The following PLPP3 variants were observed in gnomAD, a reference collection of about 807,000 sequenced individuals.
PLPP3 encodes PAP2 beta.
PLPP3 carries 6 observed loss-of-function variants against 29.6 expected under a neutral mutation model. The observed-to-expected ratio is 0.20, with a 90% CI of 0.11 to 0.40. PLPP3 has a LOEUF of 0.40. PLPP3 is among the 10% of genes least tolerant of loss of function. The pLI is 1.00. For synonymous variants in PLPP3, 152 were observed against 159.7 expected (o/e 0.95, Z 0.36); for missense variants, 308 against 407.7 (o/e 0.76, Z 2.11).
Position 56,579,047 on chromosome 1 carries a change from C to G in PLPP3, c.-31G>C. The G allele has an allele frequency of 6.3e-7, 1 of 1,574,946 alleles. No individual in the cohort carries two copies. Among genetic ancestry groups the G allele is most frequent in the Non-Finnish European group, 8.6e-7 (1 of 1,165,572 alleles). On this transcript the variant is annotated 5_prime_UTR_variant, in exon 1 of 6. Transcript: ENST00000371250. The stretch of plus-strand genomic sequence containing the variant: ...TGGCTGCGGCGCGAGCCTCCCGCCC[C>G]GCGAAGACGTCCCGCAACAGCAGCC...
intron 1 of PLPP3, among the ~76,000 whole-genome samples, chr1:56,572,976 C>T (rs1395866590): frequency 6.6e-6 from 1 of 152,116 alleles, no homozygotes; most frequent in South Asian, 2.1e-4. Context: ...TGGCTGTTTG[C>T]TTTATGTCAG....
chr1:56,577,754 A>AG (rs1163747881), intron 1 of PLPP3, among the ~76,000 whole-genome samples: 2 of 152,058 alleles, frequency 1.3e-5, no homozygotes, highest in African/African-American at 2.4e-5. Context: ...ACCAAATCCG[A>AG]GTTCCTAATG....
chr1:56,570,422 C>T (rs557601163), intron 1 of PLPP3, among the ~76,000 whole-genome samples: 20 of 152,338 alleles, frequency 1.3e-4, no homozygotes, highest in African/African-American at 4.6e-4. Context: ...AACACACTTA[C>T]CACCAATACC....
At position 56,520,600 on chromosome 1, in the gene PLPP3, A is replaced by G. The variant is rs568051974; in HGVS notation, c.633+3223T>C. ...GCAAATCAGCCAAACCTAGTGGCTCATGCCTGTAATCCCAACACTTTGGGA... is the reference window on the plus strand; with the variant it reads ...GCAAATCAGCCAAACCTAGTGGCTCGTGCCTGTAATCCCAACACTTTGGGA... On this transcript the variant is annotated intron_variant, in intron 4 of 5. Coordinates refer to ENST00000371250, the MANE Select transcript of PLPP3 (RefSeq NM_003713.5). Among the ~76,000 whole-genome samples the G allele has an allele frequency of 4.2e-3, 503 of 118,800 alleles. 1 individual carries two copies. Among genetic ancestry groups the G allele is most frequent in the African/African-American group, 0.014 (481 of 33,644 alleles). The allele number at this position is 118,800 out of a possible 152,430, so 77.9% of individuals were successfully genotyped here. A position where few individuals can be genotyped will look rare whatever the true frequency, so the allele number is the denominator to read the frequency against.
chr1:56,519,968 G>C (rs553497044), intron 4 of PLPP3, among the ~76,000 whole-genome samples: 4 of 152,074 alleles, frequency 2.6e-5, no homozygotes, highest in Non-Finnish European at 5.9e-5. Flanking sequence ...TGGTGCTTCC[G>C]GTCTGCCATT....
chr1:56,529,094 T>G (rs374384305), intron 2 of PLPP3, among the ~76,000 whole-genome samples: 1 of 152,158 alleles, frequency 6.6e-6, no homozygotes, highest in Non-Finnish European at 1.5e-5. Context: ...CTTTACAGCT[T>G]TCAAAGCACT....
intron 2 of PLPP3, among the ~76,000 whole-genome samples, chr1:56,529,199 A>G (rs1307545568): frequency 1.3e-5 from 2 of 152,140 alleles, no homozygotes; most frequent in Non-Finnish European, 2.9e-5. Flanking sequence ...AAGGCCAGAG[A>G]GGGCAGTGAA....
chr1:56,525,612 C>T (rs1487900275), intron 2 of PLPP3, among the ~76,000 whole-genome samples: 5 of 152,054 alleles, frequency 3.3e-5, no homozygotes, highest in African/African-American at 1.2e-4. Flanking sequence ...CACAACCACA[C>T]ACCCTGCTGC....
chr1:56,556,776 G>C (rs529549240), intron 1 of PLPP3, among the ~76,000 whole-genome samples: 3 of 150,702 alleles, frequency 2.0e-5, no homozygotes, highest in Non-Finnish European at 4.4e-5. Context: ...ACTGTCCCTG[G>C]GCAGGCAGGT....
chr1:56,532,940 G>C (rs1388378918), intron 2 of PLPP3, among the ~76,000 whole-genome samples: 2 of 152,140 alleles, frequency 1.3e-5, no homozygotes, highest in Non-Finnish European at 2.9e-5. Context: ...GGAAGGTGGG[G>C]GAGGAGACAG....
chr1:56,534,437 C>G (rs1441917612), intron 2 of PLPP3, among the ~76,000 whole-genome samples: 1 of 152,080 alleles, frequency 6.6e-6, no homozygotes. Context: ...TTGTGGGGAC[C>G]ATCTGAATGG....
At chr1:56,541,529 G>A (rs1645969613) in intron 1 of PLPP3, among the ~76,000 whole-genome samples, 1 of 152,038 alleles carries the variant, frequency 6.6e-6, no homozygotes. Context: ...AAGAGGCTAC[G>A]TTCCAACCTT....
intron 2 of PLPP3, among the ~76,000 whole-genome samples, chr1:56,530,338 ATC>A (rs143267421): frequency 0.19 from 18,041 of 94,938 alleles, 1,347 homozygotes; most frequent in Non-Finnish European, 0.23. Flanking sequence ...TCAAAAGGGC[ATC>A]TCTCTGTCTC....
chr1:56,511,029 A>G (rs1415199321), intron 5 of PLPP3, among the ~76,000 whole-genome samples: 1 of 152,248 alleles, frequency 6.6e-6, no homozygotes. Flanking sequence ...ACTGTGAATG[A>G]GCAAGGATAA....
chr1:56,521,494 C>T (rs878867747), intron 4 of PLPP3, among the ~76,000 whole-genome samples: 1 of 151,896 alleles, frequency 6.6e-6, no homozygotes, highest in Non-Finnish European at 1.5e-5. Flanking sequence ...TTCTGAAGAG[C>T]GTATGTGCAC....
chr1:56,502,196 G>T (rs1441552982), intron 5 of PLPP3, among the ~76,000 whole-genome samples: 2 of 152,158 alleles, frequency 1.3e-5, no homozygotes, highest in Non-Finnish European at 2.9e-5. Context: ...GTTAAGGGCA[G>T]ATTATGACAA....
intron 1 of PLPP3, among the ~76,000 whole-genome samples, chr1:56,548,777 C>G (rs187015319): frequency 1.7e-3 from 264 of 152,260 alleles, no homozygotes; most frequent in African/African-American, 6.2e-3. Context: ...TGGCAGCCAG[C>G]TGGCATGCAA....
chr1:56,546,150 T>C (rs1646004547), intron 1 of PLPP3, among the ~76,000 whole-genome samples: 1 of 152,240 alleles, frequency 6.6e-6, no homozygotes, highest in Admixed American at 6.5e-5. Context: ...CTCTAAAGTG[T>C]GTGGCAATGC....
chr1:56,549,623 A>G (rs41487448), intron 1 of PLPP3, among the ~76,000 whole-genome samples: 14,129 of 152,176 alleles, frequency 0.093, 880 homozygotes, highest in Middle Eastern at 0.13. Context: ...TCTTTACGTG[A>G]TAGAGGGGCT....
Sources: allele counts gnomAD v4.1 joint callset (sites outside exome capture counted in the v4.1 genomes callset), GRCh38; gene constraint gnomAD v4.1.1; transcripts MANE v1.5; gene names NCBI Gene and HGNC (gene_info 2026-07-23, HGNC 2026-07-21).